Variants in C5orf22 observed in about 807,000 individuals in gnomAD.
The protein encoded by C5orf22 is UPF0489 protein C5orf22.
A neutral mutation model predicts 48.7 loss-of-function variants in C5orf22; 36 were observed. That is an observed-to-expected ratio of 0.74 (90% CI 0.57 to 0.98). C5orf22 has a LOEUF of 0.98. C5orf22 is among the 50% of genes least tolerant of loss of function. The pLI, the probability that C5orf22 is intolerant of heterozygous loss-of-function variation, is 0.00. For synonymous variants in C5orf22, 141 were observed against 180.8 expected, an observed-to-expected ratio of 0.78 and a Z score of 1.76; for missense variants, 486 against 521.9, an observed-to-expected ratio of 0.93 and a Z score of 0.67.
At chr5:31,533,540 A>G (rs759801102) in intron 1 of C5orf22, among the ~76,000 whole-genome samples, 1 of 152,180 alleles carries the variant, frequency 6.6e-6, no homozygotes, top group Non-Finnish European at 1.5e-5. Flanking sequence ...GGACCTGGAT[A>G]TAGTGTCTAT....
intron 7 of C5orf22, among the ~76,000 whole-genome samples, chr5:31,546,135 G>C (rs1023111137): frequency 6.6e-6 from 1 of 152,198 alleles, no homozygotes; most frequent in Non-Finnish European, 1.5e-5. Context: ...AGAAAAAAGA[G>C]AGAGCTGTGA....
In C5orf22 at chr5:31,547,188, G is replaced by A. The variant is rs898678746; in HGVS notation, c.1059+1476G>A. On this transcript the variant is annotated intron_variant, in intron 7 of 8. Transcript: ENST00000325366. The stretch of plus-strand genomic sequence containing the variant: ...CAAATCTTAAAGCTCCAAAACGATC[G>A]TCTTTGACTCCATGTCTCACATCCA... Among the ~76,000 whole-genome samples, 9 of 152,348 alleles carry A rather than the reference G, an allele frequency of 5.9e-5. No individual in the cohort carries two copies. The South Asian group carries it at 6.2e-4, about 11-fold the overall frequency.
chr5:31,541,053 T>G, intron 5 of C5orf22, 42 bp downstream of exon 5: 2 of 1,457,976 alleles, frequency 1.4e-6, no homozygotes, highest in South Asian at 2.3e-5. Context: ...TCATTTATCA[T>G]ATAACTAATA....
At chr5:31,541,519 T>A (rs1244882369) in intron 6 of C5orf22, 117 bp downstream of exon 6, 4 of 1,121,252 alleles carry the variant, frequency 3.6e-6, no homozygotes, top group Non-Finnish European at 5.2e-6. Flanking sequence ...CTTGGGACAC[T>A]GAGGCAGGAG....
intron 8 of C5orf22, 89 bp from the exon 9 acceptor site, chr5:31,552,684 T>C (rs1029355434): frequency 1.7e-6 from 2 of 1,193,588 alleles, no homozygotes; most frequent in South Asian, 3.0e-5. Flanking sequence ...AATTTCTGTT[T>C]TACATTGAAA....
intron 3 of C5orf22, among the ~76,000 whole-genome samples, chr5:31,537,314 T>A (rs1742157867): frequency 6.6e-6 from 1 of 152,234 alleles, no homozygotes; most frequent in South Asian, 2.1e-4. Flanking sequence ...TGGTGTGCAG[T>A]TTGACAAATA....
At chr5:31,532,591 G>C in intron 1 of C5orf22, 118 bp downstream of exon 1, 1 of 809,256 alleles carries the variant, frequency 1.2e-6, no homozygotes, top group Non-Finnish European at 2.0e-6. Flanking sequence ...GAGTTAAACT[G>C]CCCTATTCCG....
At chr5:31,532,584 T>G in intron 1 of C5orf22, 111 bp downstream of exon 1, 1 of 874,714 alleles carries the variant, frequency 1.1e-6, no homozygotes, top group Non-Finnish European at 1.8e-6. Context: ...TTAACCAGAG[T>G]TAAACTGCCC....
chr5:31,537,324 A>G (rs1225061287), intron 3 of C5orf22, among the ~76,000 whole-genome samples: 2 of 152,252 alleles, frequency 1.3e-5, no homozygotes, highest in Non-Finnish European at 2.9e-5. Flanking sequence ...TTTGACAAAT[A>G]CTTGCATGTT....
rs748228974 is a variant in C5orf22 at position 31,551,346 on chromosome 5, C to A, written c.1113C>A (p.Ser371Arg). 28 of 1,613,332 alleles carry A rather than the reference C, an allele frequency of 1.7e-5. No homozygotes were observed. The highest frequency in any genetic ancestry group is 2.1e-5 in the Non-Finnish European group (25 of 1,179,636). ...ATTCAGAACTTCCTCACCATATCAGCACAGAACAAGAAATAGAGTGTCTTA... is the reference window on the plus strand; with the variant it reads ...ATTCAGAACTTCCTCACCATATCAGAACAGAACAAGAAATAGAGTGTCTTA... ...CDYSELPHHI[S>R]TEQEIECLIQ... is the part of the protein sequence containing the mutation. The change falls in exon 8 of 9, where the codon AGC becomes AGA. Residue 371 changes from serine to arginine, a missense_variant. Ser to Arg is a moderately radical substitution (Grantham distance 110). Transcript: ENST00000325366.
intron 3 of C5orf22, 36 bp from the exon 4 acceptor site, chr5:31,538,224 C>G (rs1292526807): frequency 6.8e-7 from 1 of 1,469,460 alleles, no homozygotes; most frequent in East Asian, 2.3e-5. Context: ...CTGATTTGCC[C>G]ATTCTTCTTA....
Position 31,538,472 on chromosome 5 carries a change from C to G in C5orf22, c.590C>G (p.Ser197Cys). The G allele has an allele frequency of 6.2e-7, 1 of 1,614,186 alleles. No individual in the cohort carries two copies. The highest frequency in any genetic ancestry group is 8.5e-7 in the Non-Finnish European group (1 of 1,180,018). Residue 197 changes from serine (S) to cysteine (C), a missense_variant, in exon 4 of 9, where the codon TCT becomes TGT. Around this residue, in one of 3 missense-constraint regions of C5orf22, gnomAD observed 408 missense variants for 444.0 expected, o/e 0.92. Coordinates refer to ENST00000325366, the MANE Select transcript of C5orf22 (RefSeq NM_018356.3). ...SENTASTNCD[S>C]SSEGLEKDTA... ...AACACTGCCTCTACTAACTGTGACTCTTCTTCAGAAGGACTGGAAAAGGAC... is the reference window on the plus strand; with the variant it reads ...AACACTGCCTCTACTAACTGTGACTGTTCTTCAGAAGGACTGGAAAAGGAC...
chr5:31,551,167 C>T (rs1346933769), intron 7 of C5orf22, 126 bp from the exon 8 acceptor site: 3 of 884,566 alleles, frequency 3.4e-6, no homozygotes, highest in East Asian at 2.7e-5. Context: ...TCACATGTAC[C>T]CTGAAAATAT....
intron 8 of C5orf22, 43 bp downstream of exon 8, chr5:31,551,475 C>T: frequency 7.0e-7 from 1 of 1,437,772 alleles, no homozygotes; most frequent in Non-Finnish European, 9.7e-7. Context: ...GAGATGTGCA[C>T]ATCCTAATCT....
intron 4 of C5orf22, among the ~76,000 whole-genome samples, chr5:31,540,286 A>C (rs746446697): frequency 2.6e-5 from 4 of 152,206 alleles, no homozygotes; most frequent in Admixed American, 6.5e-5. Context: ...CCTTTTCCTG[A>C]GAATACTCCT....
At position 31,552,438 on chromosome 5, in the gene C5orf22, C is replaced by T. The variant is rs1365110777; in HGVS notation, c.1200-335C>T. ...GCTAAGATAATAAGCCCCTGTATTC[C>T]CAAGCAACATCTCACTTTCAGGCAA... On this transcript the variant is annotated intron_variant, in intron 8 of 8. Transcript: ENST00000325366. 2.6e-5 allele frequency among the ~76,000 whole-genome samples: 4 copies of T among 152,142 alleles called. No homozygotes were observed. The East Asian group carries it at 7.7e-4, about 29-fold the overall frequency.
Position 31,540,962 on chromosome 5 carries a change from T to C in C5orf22, c.821T>C (p.Ile274Thr). The part of the protein sequence containing the change: ...KEMFTQEEYK[I>T]LQELYQFKKP... ...TTTGTTTTCCAGGAAGAGTACAAAA[T>C]CTTACAAGAGCTGTACCAATTTAAG... is the stretch of plus-strand genomic sequence containing the variant. The change falls in exon 5 of 9, where the codon ATC becomes ACC. Residue 274 changes from isoleucine to threonine, a missense_variant. By Grantham distance (89) the Ile-to-Thr change is moderately conservative. Around this residue, in one of 3 missense-constraint regions of C5orf22, gnomAD observed 408 missense variants for 444.0 expected, o/e 0.92. Transcript: ENST00000325366. 6.2e-7 allele frequency: 1 copy of C among 1,610,918 alleles called. No homozygotes were observed. Among genetic ancestry groups the C allele is most frequent in the Non-Finnish European group, 8.5e-7 (1 of 1,178,344 alleles).
intron 2 of C5orf22, among the ~76,000 whole-genome samples, 176 bp from the exon 3 acceptor site, chr5:31,535,568 T>C (rs1356445883): frequency 2.6e-5 from 4 of 152,200 alleles, no homozygotes; most frequent in Non-Finnish European, 5.9e-5. Flanking sequence ...CAGGAAATAA[T>C]GCCTTAGTAT....
At chr5:31,550,534 A>G (rs929149490) in intron 7 of C5orf22, among the ~76,000 whole-genome samples, 19 of 152,164 alleles carry the variant, frequency 1.2e-4, no homozygotes, top group African/African-American at 4.6e-4. Flanking sequence ...AAGTAAAATA[A>G]TGTGTTAAAA....
Sources: allele counts gnomAD v4.1 joint callset (sites outside exome capture counted in the v4.1 genomes callset), GRCh38; gene constraint gnomAD v4.1.1; regional missense constraint gnomAD v4.1.1; transcripts MANE v1.5; gene names NCBI Gene and HGNC (gene_info 2026-07-23, HGNC 2026-07-21).